CUX2: variants seen among roughly 807,000 people sequenced by gnomAD.
The protein encoded by CUX2 is cut like homeobox 2, also known as homeobox protein cut-like 2.
CUX2 carries 40 observed loss-of-function variants against 144.8 expected under a neutral mutation model. The observed-to-expected ratio is 0.28, with a 90% CI of 0.21 to 0.36. CUX2 has a LOEUF of 0.36. CUX2 is among the 10% of genes least tolerant of loss of function. The pLI is 1.00. For synonymous variants in CUX2, 827 were observed against 875.6 expected (o/e 0.94, Z 0.98); for missense variants, 1,615 against 1,994.0 (o/e 0.81, Z 3.62).
chr12:111,243,230 C>T (rs763382664), intron 3 of CUX2, among the ~76,000 whole-genome samples: 1 of 152,122 alleles, frequency 6.6e-6, no homozygotes, highest in Non-Finnish European at 1.5e-5. Flanking sequence ...CCTGCATAGC[C>T]ACCTTCCTCT....
chr12:111,309,765 GTC>G lies in CUX2; in HGVS notation c.1259-270_1259-269del, dbSNP rs1305888586. Among the ~76,000 whole-genome samples, 15 of 148,802 alleles carry G rather than the reference GTC, an allele frequency of 1.0e-4. 1 individual carries two copies. Among genetic ancestry groups the G allele is most frequent in the Admixed American group, 8.1e-4 (12 of 14,906 alleles). ...TATCTCTCTCTCTCTCTCTCATGTG[GTC>G]TCTCTGTCTTGCTCTCCCTCTCTCT... On this transcript the variant is annotated intron_variant, in intron 14 of 21. Transcript: ENST00000261726.
At chr12:111,135,934 A>G (rs1875853452) in intron 1 of CUX2, among the ~76,000 whole-genome samples, 1 of 152,218 alleles carries the variant, frequency 6.6e-6, no homozygotes, top group East Asian at 1.9e-4. Context: ...AATAAGTGCC[A>G]CTGAACTGTG....
At chr12:111,136,268 C>T (rs1875881730) in intron 1 of CUX2, among the ~76,000 whole-genome samples, 1 of 152,010 alleles carries the variant, frequency 6.6e-6, no homozygotes, top group Non-Finnish European at 1.5e-5. Context: ...ATGGAGCCAA[C>T]AAGACTTGCA....
At chr12:111,272,684 G>A (rs1257151670) in intron 4 of CUX2, among the ~76,000 whole-genome samples, 1 of 152,058 alleles carries the variant, frequency 6.6e-6, no homozygotes, top group Non-Finnish European at 1.5e-5. Context: ...GGCTGGTATC[G>A]AACTCCCGAC....
chr12:111,259,031 CTGTGTGTGTG>C lies in CUX2; in HGVS notation c.223-4698_223-4689del, dbSNP rs57814010. 3.0e-3 allele frequency among the ~76,000 whole-genome samples: 395 copies of C among 132,308 alleles called. 1 individual carries two copies. Among genetic ancestry groups the C allele is most frequent in the African/African-American group, 0.01 (355 of 35,354 alleles). The allele number at this position is 132,308 out of a possible 152,430, so 86.8% of individuals were successfully genotyped here. On this transcript the variant is annotated intron_variant, in intron 3 of 21. Coordinates refer to ENST00000261726, the MANE Select transcript of CUX2 (RefSeq NM_015267.4). ...CACAGGTGTAGACCACCACACCCAG[CTGTGTGTGTG>C]TGTGTGTGTGTGTGTGTGTGTGTGT... is the stretch of plus-strand genomic sequence containing the variant.
intron 1 of CUX2, among the ~76,000 whole-genome samples, chr12:111,091,322 G>A (rs1311517737): frequency 6.6e-6 from 1 of 152,234 alleles, no homozygotes; most frequent in Non-Finnish European, 1.5e-5. Flanking sequence ...CTGCCAGGGT[G>A]TATTTCCCGA....
Position 111,263,657 on chromosome 12 carries a change from A to T in CUX2, c.223-104A>T. 1.1e-6 allele frequency: 1 copy of T among 929,984 alleles called. No individual in the cohort carries two copies. Among genetic ancestry groups the T allele is most frequent in the Non-Finnish European group, 1.7e-6 (1 of 579,094 alleles). The allele number at this position is 929,984 out of a possible 1,614,324, so 57.6% of individuals were successfully genotyped here. ...AAACAAAACAAAACAAAACAAAACA[A>T]AAAACCTGCAGATGTTTTCTTGTGG... On this transcript the variant is annotated intron_variant, in intron 3 of 21. Coordinates refer to ENST00000261726, the MANE Select transcript of CUX2 (RefSeq NM_015267.4). This position sits in a 1 kb window ranked among gnomAD's most constrained non-coding sequence, Gnocchi z 4.0.
intron 1 of CUX2, among the ~76,000 whole-genome samples, chr12:111,187,483 T>C (rs1879619855): frequency 6.6e-6 from 1 of 151,382 alleles, no homozygotes; most frequent in South Asian, 2.1e-4. Context: ...TCCTGACCCC[T>C]TTCCCTGCTT....
In CUX2 at chr12:111,287,969, G is replaced by T. The variant is rs1023745244; in HGVS notation, c.302-3449G>T. Among the ~76,000 whole-genome samples the T allele has an allele frequency of 3.9e-5, 6 of 152,220 alleles. No homozygotes were observed. Among genetic ancestry groups the T allele is most frequent in the Non-Finnish European group, 5.9e-5 (4 of 68,038 alleles). ...AGGGAGTGCAAAAACATGCAGTCTG[G>T]CCTTGCCTTGTCGAGTTTGCAGTCC... is the stretch of plus-strand genomic sequence containing the variant. On this transcript the variant is annotated intron_variant, in intron 4 of 21. Coordinates refer to ENST00000261726, the MANE Select transcript of CUX2 (RefSeq NM_015267.4). The surrounding 1 kb of genome is among the most constrained non-coding windows in gnomAD (Gnocchi z 4.2).
intron 1 of CUX2, among the ~76,000 whole-genome samples, chr12:111,130,668 G>C (rs1424045595): frequency 6.6e-6 from 1 of 152,206 alleles, no homozygotes; most frequent in African/African-American, 2.4e-5. Context: ...TGGGTGCATA[G>C]GTCTTAAATA....
In CUX2 at chr12:111,277,981, C is replaced by T. The variant is rs938864263; in HGVS notation, c.302-13437C>T. ...GGAGAAGTCATTTCCTTGTCTTTTC[C>T]ACCTTCTCGGGCTGGGGCTGCCTAT... On this transcript the variant is annotated intron_variant, in intron 4 of 21. Transcript: ENST00000261726. The surrounding 1 kb of genome is among the most constrained non-coding windows in gnomAD (Gnocchi z 5.0). Among the ~76,000 whole-genome samples, 1 of 152,202 alleles carries T rather than the reference C, an allele frequency of 6.6e-6. No homozygotes were observed. Among genetic ancestry groups the T allele is most frequent in the East Asian group, 1.9e-4 (1 of 5,196 alleles).
At chr12:111,297,434 C>T (rs1318598037) in intron 8 of CUX2, among the ~76,000 whole-genome samples, 1 of 152,230 alleles carries the variant, frequency 6.6e-6, no homozygotes, top group African/African-American at 2.4e-5. Context: ...CAAAGGCACA[C>T]AGCTGTCATT....
rs962151274 is a variant in CUX2, at chr12:111,328,536, CCTCTGTCTCTCTCCTGAT to C, written c.2927-5889_2927-5872del. ...GTCCCCATACACAGTCCCTGTCTTC[CCTCTGTCTCTCTCCTGAT>C]CTCTGTCTCTCTCCTCCAATTTCTT... On this transcript the variant is annotated intron_variant, in intron 18 of 21. Coordinates refer to ENST00000261726, the MANE Select transcript of CUX2 (RefSeq NM_015267.4). 2.6e-4 allele frequency among the ~76,000 whole-genome samples: 40 copies of C among 151,388 alleles called. 1 individual carries two copies. The highest frequency in any genetic ancestry group is 8.2e-4 in the African/African-American group (34 of 41,218).
intron 1 of CUX2, among the ~76,000 whole-genome samples, chr12:111,206,739 T>A (rs1438483977): frequency 6.6e-6 from 1 of 152,104 alleles, no homozygotes; most frequent in East Asian, 1.9e-4. Flanking sequence ...ACTGCTTGAG[T>A]GATTGGGTAC....
rs77403013 is a variant in CUX2, at chr12:111,246,345, C to T, written c.223-17416C>T. On this transcript the variant is annotated intron_variant, in intron 3 of 21. Transcript: ENST00000261726. The surrounding 1 kb of genome is among the most constrained non-coding windows in gnomAD (Gnocchi z 4.0). ...CTCACCAGTCAGCCACTTGTTAAAC[C>T]TTTACCAGCACAGGCACCTTCCTCA... Among the ~76,000 whole-genome samples the T allele has an allele frequency of 9.6e-3, 1,464 of 152,266 alleles. 24 individuals carry two copies. The highest frequency in any genetic ancestry group is 0.033 in the African/African-American group (1,371 of 41,542).
rs181821039 is a variant in CUX2 at position 111,175,026 on chromosome 12, C to T, written c.64-39174C>T. 6.8e-4 allele frequency among the ~76,000 whole-genome samples: 104 copies of T among 152,270 alleles called. 2 individuals carry two copies. The South Asian group carries it at 0.014, about 21-fold the overall frequency. On this transcript the variant is annotated intron_variant, in intron 1 of 21. Coordinates refer to ENST00000261726, the MANE Select transcript of CUX2 (RefSeq NM_015267.4). The stretch of plus-strand genomic sequence containing the variant: ...AAATTGTCTCTGGAAGCAGCTCCCC[C>T]CCACACACAGAAGAGGGGGCCGTAC...
chr12:111,172,351 T>C (rs999279225), intron 1 of CUX2, among the ~76,000 whole-genome samples: 1 of 152,378 alleles, frequency 6.6e-6, no homozygotes, highest in Admixed American at 6.5e-5. Context: ...CAGCCACCCA[T>C]TAGCGAGGCA....
chr12:111,268,814 G>A (rs1277025302), intron 4 of CUX2, among the ~76,000 whole-genome samples: 4 of 152,030 alleles, frequency 2.6e-5, no homozygotes, highest in African/African-American at 7.2e-5. Context: ...CACCCTTTTC[G>A]ATCCTTTGGG....
chr12:111,092,712 G>C (rs1337901656), intron 1 of CUX2, among the ~76,000 whole-genome samples: 1 of 151,966 alleles, frequency 6.6e-6, no homozygotes, highest in African/African-American at 2.4e-5. Flanking sequence ...AATAGGAATG[G>C]CAGAGGCTAA....
Sources: allele counts gnomAD v4.1 joint callset (sites outside exome capture counted in the v4.1 genomes callset), GRCh38; gene constraint gnomAD v4.1.1; non-coding constraint Gnocchi (gnomAD v3.1); transcripts MANE v1.5; gene names NCBI Gene and HGNC (gene_info 2026-07-23, HGNC 2026-07-21).